The following YARS1 variants were observed in gnomAD, a reference collection of about 807,000 sequenced individuals.
YARS1 encodes tyrosine--tRNA ligase, cytoplasmic.
Under a neutral mutation model 62.2 loss-of-function variants are expected in YARS1, and 36 were observed. The observed-to-expected ratio is 0.58, with a 90% CI of 0.44 to 0.76. The LOEUF is 0.76. YARS1 is among the 30% of genes least tolerant of loss of function. The probability of loss-of-function intolerance (pLI) is 0.00; values close to 1 mark genes in which losing one functional copy is unlikely to be tolerated. For synonymous variants in YARS1, 234 were observed against 244.9 expected, an observed-to-expected ratio of 0.96 and a Z score of 0.42; for missense variants, 524 against 639.8, an observed-to-expected ratio of 0.82 and a Z score of 1.95.
chr1:32,813,999 AC>A (rs1638641748), intron 1 of YARS1, among the ~76,000 whole-genome samples: 1 of 151,944 alleles, frequency 6.6e-6, no homozygotes, highest in South Asian at 2.1e-4. Context: ...TTGTCTTCTT[AC>A]TCTACAGTCT....
chr1:32,783,405 A>G (rs699003), intron 8 of YARS1: 150,443 of 152,362 alleles, frequency 0.99, 74,304 homozygotes, highest in East Asian at 1. Context: ...CTGCCTCCTG[A>G]GCTCAAGCAA....
rs146393022 is a variant in YARS1, at chr1:32,780,191, C to T, written c.1228G>A (p.Val410Met). The part of the protein sequence containing the change: ...RTVVSGLVQF[V>M]PKEELQDRLV... The stretch of plus-strand genomic sequence containing the variant: ...CTGTCCTGCAGTTCCTCCTTGGGCA[C>T]GAACTGTACCAGGCCGCTCACCACA... The change falls in exon 11 of 13, where the codon GTG becomes ATG. Residue 410 changes from valine (V) to methionine (M), a missense_variant. Physicochemically the swap from Val to Met is conservative, Grantham distance 21. Transcript: ENST00000373477. 9.7e-5 allele frequency: 157 copies of T among 1,614,036 alleles called. No individual in the cohort carries two copies. The highest frequency in any genetic ancestry group is 8.7e-4 in the Admixed American group (52 of 59,998).
chr1:32,816,208 G>A (rs1003983034), intron 1 of YARS1, among the ~76,000 whole-genome samples: 11 of 150,854 alleles, frequency 7.3e-5, no homozygotes, highest in African/African-American at 2.7e-4. Context: ...GAATTTTATA[G>A]TATGTGAAGT....
chr1:32,814,414 G>A (rs1023414014), intron 1 of YARS1, among the ~76,000 whole-genome samples: 4 of 151,936 alleles, frequency 2.6e-5, no homozygotes, highest in African/African-American at 9.7e-5. Context: ...TTTTTGAGAC[G>A]GAGTCTTGCT....
At chr1:32,780,313 T>C (rs758073997) in intron 10 of YARS1, 35 bp from the exon 11 acceptor site, 2 of 1,612,782 alleles carry the variant, frequency 1.2e-6, no homozygotes, top group Admixed American at 1.7e-5. Context: ...AAGAGGATCA[T>C]CGTCCATTAG....
At chr1:32,786,292 G>A in intron 8 of YARS1, 70 bp downstream of exon 8, 1 of 1,485,594 alleles carries the variant, frequency 6.7e-7, no homozygotes, top group Non-Finnish European at 9.3e-7. Context: ...TTCTAAACAA[G>A]TTCTAACAGT....
At chr1:32,804,430 C>T (rs1372491248) in intron 4 of YARS1, among the ~76,000 whole-genome samples, 1 of 151,920 alleles carries the variant, frequency 6.6e-6, no homozygotes, top group African/African-American at 2.4e-5. Flanking sequence ...CCCCCCACCT[C>T]CCGGACGGGG....
At chr1:32,808,108 C>T (rs928409115) in intron 3 of YARS1, among the ~76,000 whole-genome samples, 3 of 151,996 alleles carry the variant, frequency 2.0e-5, no homozygotes, top group African/African-American at 7.3e-5. Context: ...GGTCTCGCTA[C>T]GCCCACTCTG....
intron 4 of YARS1, among the ~76,000 whole-genome samples, chr1:32,805,897 G>A (rs1189229625): frequency 2.0e-5 from 3 of 152,174 alleles, no homozygotes; most frequent in African/African-American, 7.2e-5. Context: ...GGGAGGCGGA[G>A]GTTGCAGTGA....
At chr1:32,789,958 A>T (rs1379572924) in intron 6 of YARS1, among the ~76,000 whole-genome samples, 1 of 148,844 alleles carries the variant, frequency 6.7e-6, no homozygotes, top group Non-Finnish European at 1.5e-5. Context: ...ATCTTGGCTC[A>T]CTGCAACCTC....
At chr1:32,781,521 C>G (rs1653056266) in intron 9 of YARS1, 1 of 218,714 alleles carries the variant, frequency 4.6e-6, no homozygotes, top group Non-Finnish European at 9.2e-6. Flanking sequence ...GACTTCAAGA[C>G]CAGGCTGGGC....
At chr1:32,804,416 G>A (rs1405051413) in intron 4 of YARS1, among the ~76,000 whole-genome samples, 1 of 150,614 alleles carries the variant, frequency 6.6e-6, no homozygotes, top group East Asian at 2.0e-4. Flanking sequence ...CCGGGCGGCG[G>A]CTGCCCCCCA....
At chr1:32,815,556 T>C (rs1216876822) in intron 1 of YARS1, among the ~76,000 whole-genome samples, 4 of 152,228 alleles carry the variant, frequency 2.6e-5, no homozygotes, top group Non-Finnish European at 5.9e-5. Context: ...ATAAACAAAA[T>C]GTATATCCAT....
At chr1:32,799,044 AAAG>A (rs957664346) in intron 4 of YARS1, among the ~76,000 whole-genome samples, 1 of 152,330 alleles carries the variant, frequency 6.6e-6, no homozygotes, top group African/African-American at 2.4e-5. Flanking sequence ...TGTTGACATA[AAAG>A]AAGAAATTAT....
intron 8 of YARS1, among the ~76,000 whole-genome samples, chr1:32,784,066 G>A (rs912332598): frequency 2.6e-5 from 4 of 151,244 alleles, no homozygotes; most frequent in East Asian, 1.9e-4. Context: ...GTACAGTGGC[G>A]CAATCATGGC....
chr1:32,816,108 C>CAA lies in YARS1; in HGVS notation c.57+1078_57+1079dup, dbSNP rs71571726. ...TGGGCGACAGAGCGAGACTCCGCCT[C>CAA]AAAAAAAAAAAAAAAAAAAAAGATA... On this transcript the variant is annotated intron_variant, in intron 1 of 12. Coordinates refer to ENST00000373477, the MANE Select transcript of YARS1 (RefSeq NM_003680.4). Among the ~76,000 whole-genome samples the CAA allele has an allele frequency of 1.8e-3, 95 of 53,924 alleles. 4 individuals carry two copies. Among genetic ancestry groups the CAA allele is most frequent in the African/African-American group, 2.8e-3 (41 of 14,422 alleles). The allele number at this position is 53,924 out of a possible 152,430, so 35.4% of individuals were successfully genotyped here.
intron 1 of YARS1, among the ~76,000 whole-genome samples, chr1:32,812,755 C>T (rs1330384322): frequency 6.6e-6 from 1 of 152,060 alleles, no homozygotes; most frequent in Non-Finnish European, 1.5e-5. Flanking sequence ...GGCAGATCAT[C>T]AGATCAGGGG....
In YARS1 at chr1:32,788,843, T is replaced by C. The variant is rs1480345863; in HGVS notation, c.685-1768A>G. ...CAGCTTCCCAAAGTGTTGGGATTGA[T>C]AGGATCTTGCTTGCTCTGTTGCCCT... is the stretch of plus-strand genomic sequence containing the variant. On this transcript the variant is annotated intron_variant, in intron 6 of 12. Coordinates refer to ENST00000373477, the MANE Select transcript of YARS1 (RefSeq NM_003680.4). Among the ~76,000 whole-genome samples, 6 of 152,146 alleles carry C rather than the reference T, an allele frequency of 3.9e-5. 1 individual carries two copies. The highest frequency in any genetic ancestry group is 5.9e-5 in the Non-Finnish European group (4 of 68,030).
chr1:32,814,875 T>G (rs1638666565), intron 1 of YARS1, among the ~76,000 whole-genome samples: 1 of 152,256 alleles, frequency 6.6e-6, no homozygotes, highest in Non-Finnish European at 1.5e-5. Context: ...GTTACGGTTT[T>G]GGGAGGCTGT....
Sources: allele counts gnomAD v4.1 joint callset (sites outside exome capture counted in the v4.1 genomes callset), GRCh38; gene constraint gnomAD v4.1.1; transcripts MANE v1.5; gene names NCBI Gene and HGNC (gene_info 2026-07-23, HGNC 2026-07-21).